FBN2: variants seen among roughly 807,000 people sequenced by gnomAD.
FBN2 encodes fibrillin 2, also known as fibrillin-2.
FBN2 carries 105 observed loss-of-function variants against 355.6 expected under a neutral mutation model. The ratio of observed to expected loss-of-function variants is 0.30; its 90% CI spans 0.25 to 0.35. FBN2 has a LOEUF of 0.35. FBN2 is among the 10% of genes least tolerant of loss of function. The pLI, the probability that FBN2 is intolerant of heterozygous loss-of-function variation, is 1.00. For missense variants in FBN2, 3,280 were observed against 3,758.7 expected, an observed-to-expected ratio of 0.87 and a Z score of 3.33; for synonymous variants, 1,350 against 1,301.2, an observed-to-expected ratio of 1.04 and a Z score of -0.81.
intron 41 of FBN2, among the ~76,000 whole-genome samples, chr5:128,308,249 A>G (rs1259720807): frequency 6.6e-6 from 1 of 152,160 alleles, no homozygotes; most frequent in African/African-American, 2.4e-5. Context: ...AGAAAGTGCC[A>G]TTTTAATTCC....
chr5:128,377,631 C>T, intron 13 of FBN2, 121 bp downstream of exon 13: 2 of 1,044,308 alleles, frequency 1.9e-6, no homozygotes, highest in Middle Eastern at 2.0e-4. Context: ...TGCATTTTAC[C>T]TAAGTTACCT....
intron 62 of FBN2, among the ~76,000 whole-genome samples, chr5:128,265,258 C>A (rs1387781499): frequency 6.6e-6 from 1 of 152,002 alleles, no homozygotes; most frequent in Non-Finnish European, 1.5e-5. Context: ...AATTAGATTA[C>A]AATTTAATAA....
chr5:128,285,193 A>G (rs1287952304), intron 55 of FBN2, among the ~76,000 whole-genome samples: 1 of 91,448 alleles, frequency 1.1e-5, no homozygotes, highest in African/African-American at 3.5e-5. Context: ...GTTGCAATCG[A>G]CTTTTTTGGG....
chr5:128,493,106 A>T (rs2127128585), intron 5 of FBN2, among the ~76,000 whole-genome samples: 1 of 152,300 alleles, frequency 6.6e-6, no homozygotes, highest in Middle Eastern at 3.4e-3. Flanking sequence ...ATGAACTCAC[A>T]GTCTGTTAAG....
Position 128,301,640 on chromosome 5 carries a change from CAG to C in FBN2, c.5918-132_5918-131del. ...ATCCCATATTACAACTCCTCATCAA[CAG>C]AGAAAAATGGCACATATCATAAGGA... On this transcript the variant is annotated intron_variant, in intron 46 of 64. Coordinates refer to ENST00000262464, the MANE Select transcript of FBN2 (RefSeq NM_001999.4). The C allele has an allele frequency of 4.6e-6, 4 of 864,636 alleles. 1 individual carries two copies. The South Asian group carries it at 5.5e-5, about 12-fold the overall frequency. The allele number at this position is 864,636 out of a possible 1,614,324, so 53.6% of individuals were successfully genotyped here. A position where few individuals can be genotyped will look rare whatever the true frequency, so the allele number is the denominator to read the frequency against.
intron 8 of FBN2, among the ~76,000 whole-genome samples, chr5:128,404,119 C>T (rs904490294): frequency 2.0e-5 from 3 of 152,184 alleles, no homozygotes; most frequent in African/African-American, 7.2e-5. Context: ...TATTAGCATA[C>T]ATGTGGTTAG....
At chr5:128,446,627 G>A (rs777101349) in intron 6 of FBN2, 21 bp from the exon 7 acceptor site, 1 of 1,611,684 alleles carries the variant, frequency 6.2e-7, no homozygotes, top group Middle Eastern at 1.7e-4. Flanking sequence ...AAAACATTTT[G>A]AACACAGATG....
At chr5:128,268,291 C>G (rs1177766526) in intron 62 of FBN2, among the ~76,000 whole-genome samples, 3 of 152,148 alleles carry the variant, frequency 2.0e-5, no homozygotes, top group Non-Finnish European at 4.4e-5. Context: ...GGATAAATTC[C>G]TGGACACATA....
chr5:128,489,686 GATTC>G (rs1008426256), intron 5 of FBN2, among the ~76,000 whole-genome samples: 4 of 152,116 alleles, frequency 2.6e-5, no homozygotes, highest in African/African-American at 9.7e-5. Context: ...TGTGAAAAAT[GATTC>G]ATTAACTCTG....
Position 128,335,204 on chromosome 5 carries a change from G to C in FBN2, c.3939C>G (p.Gly1313=). The C allele has an allele frequency of 1.2e-6, 2 of 1,614,108 alleles. No individual in the cohort carries two copies. Among genetic ancestry groups the C allele is most frequent in the South Asian group, 2.2e-5 (2 of 91,078 alleles). ...PGEYRCLCYD[G]FMASMDMKTC... is the part of the protein sequence containing the mutation. ...TTTTCATGTCCATGGAAGCCATGAA[G>C]CCATCATAGCAGAGGCAGCGATACT... The change falls in exon 30 of 65, where the codon GGC becomes GGG. Residue 1313 remains glycine (G), a synonymous_variant. Coordinates refer to ENST00000262464, the MANE Select transcript of FBN2 (RefSeq NM_001999.4).
chr5:128,419,371 A>AGATGT (rs1561447866), intron 7 of FBN2, among the ~76,000 whole-genome samples: 1 of 152,202 alleles, frequency 6.6e-6, no homozygotes, highest in East Asian at 1.9e-4. Flanking sequence ...GTGAGAGTAG[A>AGATGT]CATCAGTCTT....
intron 5 of FBN2, among the ~76,000 whole-genome samples, chr5:128,508,413 CTG>C (rs1256415821): frequency 1.3e-5 from 2 of 151,762 alleles, no homozygotes; most frequent in African/African-American, 4.8e-5. Flanking sequence ...AATCATTACT[CTG>C]TATTTTTAGT....
intron 5 of FBN2, 128 bp downstream of exon 5, chr5:128,519,145 A>G (rs1388415695): frequency 2.7e-6 from 2 of 745,884 alleles, no homozygotes; most frequent in Non-Finnish European, 2.4e-6. Flanking sequence ...CATTCAACTT[A>G]GAGACATAAT....
chr5:128,449,432 ACT>A (rs1754174022), intron 6 of FBN2, among the ~76,000 whole-genome samples: 1 of 140,024 alleles, frequency 7.1e-6, no homozygotes, highest in Admixed American at 7.1e-5. Flanking sequence ...ATAATAGTAT[ACT>A]GTATAATTAT....
At chr5:128,493,986 T>A (rs1487296039) in intron 5 of FBN2, among the ~76,000 whole-genome samples, 2 of 146,404 alleles carry the variant, frequency 1.4e-5, no homozygotes, top group Non-Finnish European at 2.9e-5. Context: ...GTAAGACATG[T>A]CATATGCAAG....
chr5:128,286,608 C>T (rs989888939), intron 55 of FBN2, 110 bp downstream of exon 55: 1 of 1,310,248 alleles, frequency 7.6e-7, no homozygotes, highest in East Asian at 2.3e-5. Context: ...ACTGCCTTAA[C>T]ACAGCTGGAA....
chr5:128,426,043 T>C (rs2127023040), intron 7 of FBN2, among the ~76,000 whole-genome samples: 1 of 152,266 alleles, frequency 6.6e-6, no homozygotes, highest in East Asian at 1.9e-4. Context: ...CTCCTAATGC[T>C]TTGCCTGTAA....
rs1561776534 is a variant in FBN2 at position 128,335,410 on chromosome 5, A to G, written c.3847+45T>C. 3 of 1,613,790 alleles carry G rather than the reference A, an allele frequency of 1.9e-6. No individual in the cohort carries two copies. The African/African-American group carries it at 4.0e-5, about 22-fold the overall frequency. Reference sequence around the variant, plus strand: ...ATATCTGGAGCCATATTTTCAAGAAAAAATTAGTTAGATGTACAAAACCTG... The same window carrying G: ...ATATCTGGAGCCATATTTTCAAGAAGAAATTAGTTAGATGTACAAAACCTG... On this transcript the variant is annotated intron_variant, in intron 29 of 64. Transcript: ENST00000262464.
At chr5:128,319,116 C>T (rs1447476012) in intron 34 of FBN2, 115 bp from the exon 35 acceptor site, 3 of 781,264 alleles carry the variant, frequency 3.8e-6, no homozygotes, top group East Asian at 2.7e-5. Context: ...TTCAGTAAGG[C>T]TTTTTTTTTC....
Sources: gnomAD v4.1 joint callset for allele counts (sites outside exome capture counted in the v4.1 genomes callset) on GRCh38, gnomAD v4.1.1 for gene constraint, MANE v1.5 for transcripts, NCBI Gene and HGNC (gene_info 2026-07-23, HGNC 2026-07-21) for gene names.